Variants in CELSR1 observed in about 807,000 individuals in gnomAD.
The protein encoded by CELSR1 is cadherin EGF LAG seven-pass G-type receptor 1, also known as adhesion G protein-coupled receptor C1.
Under a neutral mutation model 249.1 loss-of-function variants are expected in CELSR1, and 110 were observed. That is an observed-to-expected ratio of 0.44 (90% CI 0.38 to 0.52). CELSR1 has a LOEUF of 0.52. CELSR1 is among the 20% of genes least tolerant of loss of function. The pLI is 0.00. For synonymous variants in CELSR1, 2,113 were observed against 1,900.0 expected, an observed-to-expected ratio of 1.11 and a Z score of -2.92; for missense variants, 4,109 against 4,296.4, an observed-to-expected ratio of 0.96 and a Z score of 1.22.
At position 46,454,927 on chromosome 22, in the gene CELSR1, A is replaced by C. The variant is rs1477396257; in HGVS notation, c.4183+8780T>G. Among the ~76,000 whole-genome samples the C allele has an allele frequency of 6.6e-6, 1 of 152,206 alleles. No homozygotes were observed. The highest frequency in any genetic ancestry group is 1.5e-5 in the Non-Finnish European group (1 of 68,032). The stretch of plus-strand genomic sequence containing the variant: ...ACCCTTGAAAGTGACCTTGTTTGGA[A>C]ATAGGGTCTTTGTAGAGGTAATCGA... On this transcript the variant is annotated intron_variant, in intron 2 of 34. Transcript: ENST00000674500. The surrounding 1 kb of genome is among the most constrained non-coding windows in gnomAD (Gnocchi z 5.1).
chr22:46,533,473 C>A (rs1269179942), intron 1 of CELSR1, among the ~76,000 whole-genome samples, 154 bp downstream of exon 1: 2 of 152,248 alleles, frequency 1.3e-5, no homozygotes, highest in Non-Finnish European at 2.9e-5. Flanking sequence ...GGGCGCCCAC[C>A]CCCAGCATCC....
Position 46,442,818 on chromosome 22 carries a change from G to A in CELSR1, c.4184-3407C>T, listed in dbSNP as rs112999295. Among the ~76,000 whole-genome samples the A allele has an allele frequency of 8.4e-3, 1,285 of 152,192 alleles. 18 individuals carry two copies. The highest frequency in any genetic ancestry group is 0.029 in the African/African-American group (1,222 of 41,500). On this transcript the variant is annotated intron_variant, in intron 2 of 34. Transcript: ENST00000674500. ...CTAAGAATGTGTAACTGGGCCTGGCGCGGTGGCTCACGCCTGTAATCCCAG... is the reference window on the plus strand; with the variant it reads ...CTAAGAATGTGTAACTGGGCCTGGCACGGTGGCTCACGCCTGTAATCCCAG...
In CELSR1 at chr22:46,366,917, G is replaced by A. The variant is rs1205739300; in HGVS notation, c.8205+76C>T. 5 of 1,526,550 alleles carry A rather than the reference G, an allele frequency of 3.3e-6. No individual in the cohort carries two copies. In the South Asian group the frequency reaches 4.9e-5, roughly 15 times the overall value. 94.6% of individuals were successfully genotyped at this position (1,526,550 alleles called of 1,614,324 possible). A position where few individuals can be genotyped will look rare whatever the true frequency, so the allele number is the denominator to read the frequency against. ...GCATACGGGCCGCAGGACTGGGGCT[G>A]AGGCTCGATCACCCTCCCCCGCCCC... On this transcript the variant is annotated intron_variant, in intron 29 of 34. Transcript: ENST00000674500.
rs1368629311 is a variant in CELSR1 at position 46,390,547 on chromosome 22, A to G, written c.6251-61T>C. ...TCAAACTGTTGATCAATGCTTGTGTATTTCAATCCACAATCTGAATATACT... is the reference window on the plus strand; with the variant it reads ...TCAAACTGTTGATCAATGCTTGTGTGTTTCAATCCACAATCTGAATATACT... On this transcript the variant is annotated intron_variant, in intron 16 of 34. Coordinates refer to ENST00000674500, the MANE Select transcript of CELSR1 (RefSeq NM_001378328.1). The surrounding 1 kb of genome is among the most constrained non-coding windows in gnomAD (Gnocchi z 6.3). 24 of 1,325,404 alleles carry G rather than the reference A, an allele frequency of 1.8e-5. No homozygotes were observed. Among genetic ancestry groups the G allele is most frequent in the Non-Finnish European group, 2.3e-5 (21 of 931,454 alleles). The allele number at this position is 1,325,404 out of a possible 1,614,324, so 82.1% of individuals were successfully genotyped here. A position where few individuals can be genotyped will look rare whatever the true frequency, so the allele number is the denominator to read the frequency against.
rs765965545 is a variant in CELSR1, at chr22:46,369,650, A to T, written c.7872+42T>A. On this transcript the variant is annotated intron_variant, in intron 26 of 34. Coordinates refer to ENST00000674500, the MANE Select transcript of CELSR1 (RefSeq NM_001378328.1). ...CCAGAACAGCCCTTCCAGCTCATGC[A>T]TGTTTGGGGCACCCGGACTCCCGTG... is the stretch of plus-strand genomic sequence containing the variant. 3 of 1,573,690 alleles carry T rather than the reference A, an allele frequency of 1.9e-6. No homozygotes were observed. In the Admixed American group the frequency reaches 5.0e-5, roughly 26 times the overall value.
Position 46,464,245 on chromosome 22 carries a change from G to A in CELSR1, c.3645C>T (p.Ser1215=). 1.2e-6 allele frequency: 2 copies of A among 1,613,746 alleles called. No individual in the cohort carries two copies. The highest frequency in any genetic ancestry group is 1.7e-6 in the Non-Finnish European group (2 of 1,180,024). Residue 1215 remains serine (S), a synonymous_variant, in exon 2 of 35, where the codon TCC becomes TCT. Coordinates refer to ENST00000674500, the MANE Select transcript of CELSR1 (RefSeq NM_001378328.1). This position sits in a 1 kb window ranked among gnomAD's most constrained non-coding sequence, Gnocchi z 8.5. ...NSITVRLENM[S]QEKFLSPLLA... ...GCAGCGGGGACAGGAACTTCTCCTG[G>A]GACATGTTCTCCAGGCGGACAGTGA...
chr22:46,493,316 C>T (rs967058486), intron 1 of CELSR1, among the ~76,000 whole-genome samples: 10 of 152,056 alleles, frequency 6.6e-5, no homozygotes, highest in African/African-American at 2.2e-4. Flanking sequence ...GAAGCCAAGG[C>T]GGGTGGATCA....
chr22:46,487,038 T>TCACTCC (rs61398603), intron 1 of CELSR1, among the ~76,000 whole-genome samples: 12 of 144,200 alleles, frequency 8.3e-5, no homozygotes, highest in Admixed American at 6.3e-4. Context: ...CTTCCTGCCC[T>TCACTCC]CACTCCCACT....
rs900812023 is a variant in CELSR1 at position 46,427,727 on chromosome 22, C to T, written c.4611+5666G>A. 6.6e-6 allele frequency among the ~76,000 whole-genome samples: 1 copy of T among 151,950 alleles called. No individual in the cohort carries two copies. Among genetic ancestry groups the T allele is most frequent in the African/African-American group, 2.4e-5 (1 of 41,360 alleles). ...TCGTTTCTGTAAGTTGGATTCTGTG[C>T]GTGTAATTGGCACTCAATTAACATG... On this transcript the variant is annotated intron_variant, in intron 5 of 34. Transcript: ENST00000674500. This position sits in a 1 kb window ranked among gnomAD's most constrained non-coding sequence, Gnocchi z 4.2.
chr22:46,491,826 G>A (rs961275227), intron 1 of CELSR1, among the ~76,000 whole-genome samples: 3 of 151,812 alleles, frequency 2.0e-5, no homozygotes, highest in Admixed American at 6.6e-5. Context: ...TAGTAGAGAC[G>A]GGGTTTCACC....
At chr22:46,457,030 C>G (rs539732832) in intron 2 of CELSR1, among the ~76,000 whole-genome samples, 1 of 152,314 alleles carries the variant, frequency 6.6e-6, no homozygotes, top group East Asian at 1.9e-4. Context: ...CCAAACCAAG[C>G]TAAGGCCCCA....
In CELSR1 at chr22:46,367,860, G is replaced by T. The variant is rs76955646; in HGVS notation, c.7953-5C>A. On this transcript the variant is annotated splice_polypyrimidine_tract_variant and splice_region_variant and intron_variant, in intron 27 of 34. Coordinates refer to ENST00000674500, the MANE Select transcript of CELSR1 (RefSeq NM_001378328.1). The stretch of plus-strand genomic sequence containing the variant: ...AATGCGGTCCTCAGCAGGGAGCTGC[G>T]GGAGGGCAGGATCAGGCCTGTGCCC... 1 of 1,607,554 alleles carries T rather than the reference G, an allele frequency of 6.2e-7. No individual in the cohort carries two copies. The highest frequency in any genetic ancestry group is 1.7e-5 in the Admixed American group (1 of 59,544).
At position 46,464,308 on chromosome 22, in the gene CELSR1, A is replaced by G; in HGVS notation, c.3582T>C (p.Arg1194=). ...GCATGTCGTCCGTGATGATGGTGACACGCAGGGTGCAGAAGGCCGTGACGC... is the reference window on the plus strand; with the variant it reads ...GCATGTCGTCCGTGATGATGGTGACGCGCAGGGTGCAGAAGGCCGTGACGC... The part of the protein sequence containing the change: ...IHSVTAFCTL[R]VTIITDDMLT... The change falls in exon 2 of 35, where the codon CGT becomes CGC. Residue 1194 remains arginine (R), a synonymous_variant. Transcript: ENST00000674500. This position sits in a 1 kb window ranked among gnomAD's most constrained non-coding sequence, Gnocchi z 8.5. 6.2e-7 allele frequency: 1 copy of G among 1,613,278 alleles called. No individual in the cohort carries two copies. The highest frequency in any genetic ancestry group is 8.5e-7 in the Non-Finnish European group (1 of 1,180,008).
chr22:46,426,067 C>A (rs775315928), intron 5 of CELSR1, among the ~76,000 whole-genome samples: 2 of 119,438 alleles, frequency 1.7e-5, no homozygotes, highest in Non-Finnish European at 3.4e-5. Flanking sequence ...CTATGCAGAC[C>A]CATCTCCAAC....
chr22:46,403,524 T>A (rs1569138066), intron 9 of CELSR1, among the ~76,000 whole-genome samples: 1 of 151,820 alleles, frequency 6.6e-6, no homozygotes, highest in Non-Finnish European at 1.5e-5. Flanking sequence ...GCCACTGCAC[T>A]CCAGCCTGGG....
Position 46,410,226 on chromosome 22 carries a change from A to G in CELSR1, c.4933+172T>C, listed in dbSNP as rs1471372164. ...AGATGCAGGAACTGCGGAGATGCAC[A>G]TCTCCAGCCTGGACTCCGGGTTCCA... On this transcript the variant is annotated intron_variant, in intron 7 of 34. Transcript: ENST00000674500. The surrounding 1 kb of genome is among the most constrained non-coding windows in gnomAD (Gnocchi z 6.8). 4.6e-5 allele frequency among the ~76,000 whole-genome samples: 7 copies of G among 152,184 alleles called. No individual in the cohort carries two copies. Among genetic ancestry groups the G allele is most frequent in the Non-Finnish European group, 1.0e-4 (7 of 68,024 alleles).
chr22:46,483,866 AATT>A (rs1314199258), intron 1 of CELSR1, among the ~76,000 whole-genome samples: 2 of 152,168 alleles, frequency 1.3e-5, no homozygotes, highest in Non-Finnish European at 2.9e-5. Context: ...AGAGAAAAAT[AATT>A]ATTAACTGCA....
At chr22:46,404,377 A>C (rs2079241845) in intron 9 of CELSR1, among the ~76,000 whole-genome samples, 1 of 152,074 alleles carries the variant, frequency 6.6e-6, no homozygotes. Context: ...ACGCCACTGC[A>C]CTCCAACCTG....
intron 2 of CELSR1, among the ~76,000 whole-genome samples, chr22:46,452,686 G>A (rs1037939220): frequency 3.3e-5 from 5 of 152,226 alleles, no homozygotes; most frequent in East Asian, 1.9e-4. Context: ...TTAGAAGGAC[G>A]TTGGTGGCAG....
Sources: allele counts gnomAD v4.1 joint callset (sites outside exome capture counted in the v4.1 genomes callset), GRCh38; gene constraint gnomAD v4.1.1; non-coding constraint Gnocchi (gnomAD v3.1); transcripts MANE v1.5; gene names NCBI Gene and HGNC (gene_info 2026-07-23, HGNC 2026-07-21).